TRPC3: variants seen among roughly 807,000 people sequenced by gnomAD.
TRPC3 encodes transient receptor potential cation channel subfamily C member 3.
TRPC3 carries 54 observed loss-of-function variants against 90.9 expected under a neutral mutation model. The observed-to-expected ratio is 0.59, with a 90% CI of 0.48 to 0.75. The LOEUF (loss-of-function observed/expected upper bound fraction) is 0.75, where lower values mean the gene tolerates loss of function less well. Among genes scored for constraint, TRPC3 ranks in the 30% least tolerant of loss-of-function variants. The pLI is 0.00. For synonymous variants in TRPC3, 424 were observed against 450.9 expected (o/e 0.94, Z 0.75); for missense variants, 918 against 1,194.5 (o/e 0.77, Z 3.41).
Position 121,951,849 on chromosome 4 carries a change from C to T in TRPC3, c.-169G>A, listed in dbSNP as rs1730783120. The stretch of plus-strand genomic sequence containing the variant: ...GAGAGCGTCGCGGCCCGCGATCCAG[C>T]AGTTAGAGGCTAGCGCCGAAGCCGA... On this transcript the variant is annotated 5_prime_UTR_variant, in exon 1 of 12. Coordinates refer to ENST00000379645, the MANE Select transcript of TRPC3 (RefSeq NM_001130698.2). This position sits in a 1 kb window ranked among gnomAD's most constrained non-coding sequence, Gnocchi z 4.4. 1.1e-5 allele frequency: 5 copies of T among 451,156 alleles called. No individual in the cohort carries two copies. The highest frequency in any genetic ancestry group is 3.7e-6 in the Non-Finnish European group (1 of 271,938). The allele number at this position is 451,156 out of a possible 1,614,324, so 27.9% of individuals were successfully genotyped here.
At chr4:121,884,082 T>C (rs1293714187) in intron 10 of TRPC3, among the ~76,000 whole-genome samples, 1 of 152,210 alleles carries the variant, frequency 6.6e-6, no homozygotes, top group Non-Finnish European at 1.5e-5. Flanking sequence ...GTAATGTTAT[T>C]GTGTTCATTA....
At chr4:121,950,945 C>G (rs191308525) in intron 1 of TRPC3, 1 of 152,474 alleles carries the variant, frequency 6.6e-6, no homozygotes, top group African/African-American at 2.4e-5. Flanking sequence ...ACTTCTCTGC[C>G]CCCGCCCCCG....
chr4:121,951,898 C>A lies in TRPC3; in HGVS notation c.-218G>T, dbSNP rs903320596. ...GAGCTGCCGCCGCCCACCATCAAAC[C>A]GTGGGAGCAGCTGCCGCGGCCGTGG... On this transcript the variant is annotated 5_prime_UTR_variant, in exon 1 of 12. Transcript: ENST00000379645. The surrounding 1 kb of genome is among the most constrained non-coding windows in gnomAD (Gnocchi z 4.4). 5.2e-5 allele frequency: 19 copies of A among 362,064 alleles called. No individual in the cohort carries two copies. The highest frequency in any genetic ancestry group is 3.4e-4 in the African/African-American group (16 of 47,076). 22.4% of individuals were successfully genotyped at this position (362,064 alleles called of 1,614,324 possible).
In TRPC3 at chr4:121,878,607, C is replaced by T. The variant is rs1378987310; in HGVS notation, c.*1129G>A. On this transcript the variant is annotated 3_prime_UTR_variant, in exon 12 of 12. Coordinates refer to ENST00000379645, the MANE Select transcript of TRPC3 (RefSeq NM_001130698.2). ...CAAGAGGCATTGCGGATATTACCAG[C>T]ATTCAGCACAATTATGTAATAAGGC... Among the ~76,000 whole-genome samples the T allele has an allele frequency of 1.3e-5, 2 of 152,304 alleles. No homozygotes were observed. Among genetic ancestry groups the T allele is most frequent in the Admixed American group, 6.5e-5 (1 of 15,298 alleles).
chr4:121,876,433 C>A lies in TRPC3; in HGVS notation c.*3303G>T, dbSNP rs140155654. Among the ~76,000 whole-genome samples, 4 of 152,312 alleles carry A rather than the reference C, an allele frequency of 2.6e-5. No individual in the cohort carries two copies. In the East Asian group the frequency reaches 7.7e-4, roughly 29 times the overall value. ...TGTAGCATAACCCTGTTTGCCTGAA[C>A]CATTTATGAAGACCAGAGAAGTTAA... On this transcript the variant is annotated 3_prime_UTR_variant, in exon 12 of 12. Coordinates refer to ENST00000379645, the MANE Select transcript of TRPC3 (RefSeq NM_001130698.2).
chr4:121,914,708 A>C (rs1168000216), intron 4 of TRPC3, 72 bp downstream of exon 4: 1 of 1,395,592 alleles, frequency 7.2e-7, no homozygotes, highest in Non-Finnish European at 9.5e-7. Flanking sequence ...TTAAGCATGA[A>C]GCTTTTTATT....
At chr4:121,895,368 CTAAAA>C (rs1040072478) in intron 10 of TRPC3, among the ~76,000 whole-genome samples, 2 of 151,254 alleles carry the variant, frequency 1.3e-5, no homozygotes, top group Non-Finnish European at 3.0e-5. Flanking sequence ...AAAATTGAGA[CTAAAA>C]TAAATACAAA....
rs924370606 is a variant in TRPC3 at position 121,875,250 on chromosome 4, A to T, written c.*4486T>A. ...AGTAAAAGTTTATTTTGAAGCTCAAATTTATTTTAAAACAGTGAAATGAGG... is the reference window on the plus strand; with the variant it reads ...AGTAAAAGTTTATTTTGAAGCTCAATTTTATTTTAAAACAGTGAAATGAGG... On this transcript the variant is annotated 3_prime_UTR_variant, in exon 12 of 12. Coordinates refer to ENST00000379645, the MANE Select transcript of TRPC3 (RefSeq NM_001130698.2). Among the ~76,000 whole-genome samples the T allele has an allele frequency of 6.6e-6, 1 of 152,186 alleles. No homozygotes were observed. The highest frequency in any genetic ancestry group is 1.5e-5 in the Non-Finnish European group (1 of 68,024).
At position 121,878,050 on chromosome 4, in the gene TRPC3, A is replaced by T. The variant is rs1252946161; in HGVS notation, c.*1686T>A. ...GAAACATCTATTATAGAAACTTTGT[A>T]TCTTTACTATCTTAACATATGGTAA... On this transcript the variant is annotated 3_prime_UTR_variant, in exon 12 of 12. Transcript: ENST00000379645. Among the ~76,000 whole-genome samples, 1 of 152,252 alleles carries T rather than the reference A, an allele frequency of 6.6e-6. No individual in the cohort carries two copies. Among genetic ancestry groups the T allele is most frequent in the East Asian group, 1.9e-4 (1 of 5,200 alleles).
In TRPC3 at chr4:121,877,521, C is replaced by A. The variant is rs1727796468; in HGVS notation, c.*2215G>T. Among the ~76,000 whole-genome samples, 1 of 152,066 alleles carries A rather than the reference C, an allele frequency of 6.6e-6. No individual in the cohort carries two copies. The highest frequency in any genetic ancestry group is 1.5e-5 in the Non-Finnish European group (1 of 68,004). ...TTCTTCTTTTTAGCTGAGGGCAATT[C>A]TCCAGGGGAAGTGATTGGCTAGGAA... On this transcript the variant is annotated 3_prime_UTR_variant, in exon 12 of 12. Transcript: ENST00000379645.
chr4:121,899,776 TAA>T, intron 9 of TRPC3, 81 bp from the exon 10 acceptor site: 1 of 1,118,442 alleles, frequency 8.9e-7, no homozygotes, highest in South Asian at 1.4e-5. Context: ...TTCTCCTTGA[TAA>T]CATTTCTGGA....
intron 7 of TRPC3, among the ~76,000 whole-genome samples, chr4:121,905,341 T>C (rs1450855006): frequency 6.6e-6 from 1 of 152,090 alleles, no homozygotes; most frequent in Non-Finnish European, 1.5e-5. Context: ...TTTTTTATCA[T>C]AGGAACACAT....
chr4:121,892,609 G>T (rs897786171), intron 10 of TRPC3, among the ~76,000 whole-genome samples: 1 of 152,132 alleles, frequency 6.6e-6, no homozygotes. Flanking sequence ...TTAAAGGTTT[G>T]TATGTGGTGG....
At chr4:121,938,414 G>A (rs1338363526) in intron 1 of TRPC3, among the ~76,000 whole-genome samples, 2 of 152,116 alleles carry the variant, frequency 1.3e-5, no homozygotes, top group East Asian at 1.9e-4. Flanking sequence ...TTCTGCTTTG[G>A]AATGTTTCTT....
intron 1 of TRPC3, among the ~76,000 whole-genome samples, chr4:121,941,811 A>G (rs1730324910): frequency 6.6e-6 from 1 of 152,184 alleles, no homozygotes; most frequent in Non-Finnish European, 1.5e-5. Flanking sequence ...CATTTTGAAC[A>G]TCTCTTAATA....
chr4:121,923,100 C>CAG lies in TRPC3; in HGVS notation c.1176+1916_1176+1917dup, dbSNP rs10624887. 7.1e-3 allele frequency among the ~76,000 whole-genome samples: 1,064 copies of CAG among 150,606 alleles called. 20 individuals carry two copies. The highest frequency in any genetic ancestry group is 0.024 in the African/African-American group (988 of 41,158). ...GAGAGAGAAAGAGGAGAAAGAGACA[C>CAG]AGAGAGAGAGAGAGAGATTTCCCCA... is the stretch of plus-strand genomic sequence containing the variant. On this transcript the variant is annotated intron_variant, in intron 3 of 11. Coordinates refer to ENST00000379645, the MANE Select transcript of TRPC3 (RefSeq NM_001130698.2).
chr4:121,940,800 G>C (rs139871634), intron 1 of TRPC3, among the ~76,000 whole-genome samples: 10 of 152,166 alleles, frequency 6.6e-5, no homozygotes, highest in African/African-American at 2.4e-4. Context: ...TTGTCTCCTT[G>C]ATTATTGTCT....
intron 6 of TRPC3, among the ~76,000 whole-genome samples, chr4:121,909,935 C>G (rs763269670): frequency 6.6e-6 from 1 of 152,100 alleles, no homozygotes; most frequent in African/African-American, 2.4e-5. Flanking sequence ...AACTGAGGCA[C>G]AGTGAAGCAA....
intron 2 of TRPC3, among the ~76,000 whole-genome samples, chr4:121,926,189 C>CA (rs554326431): frequency 8.5e-4 from 129 of 152,246 alleles, no homozygotes; most frequent in African/African-American, 3.0e-3. Context: ...CAACCTTACA[C>CA]AAAAAATACC....
Sources: allele counts gnomAD v4.1 joint callset (sites outside exome capture counted in the v4.1 genomes callset), GRCh38; gene constraint gnomAD v4.1.1; non-coding constraint Gnocchi (gnomAD v3.1); transcripts MANE v1.5; gene names NCBI Gene and HGNC (gene_info 2026-07-23, HGNC 2026-07-21).